Variants in FGD4 observed in about 807,000 individuals in gnomAD.
The protein encoded by FGD4 is FYVE, RhoGEF and PH domain-containing protein 4.
A neutral mutation model predicts 102.0 loss-of-function variants in FGD4; 42 were observed. The observed-to-expected ratio is 0.41, with a 90% CI of 0.32 to 0.53. FGD4 has a LOEUF of 0.53. FGD4 is among the 20% of genes least tolerant of loss of function. The pLI, the probability that FGD4 is intolerant of heterozygous loss-of-function variation, is 0.21. For missense variants in FGD4, 902 were observed against 1,078.2 expected (o/e 0.84, Z 2.29); for synonymous variants, 380 against 375.7 (o/e 1.01, Z -0.13).
At chr12:32,475,400 CT>C in intron 1 of FGD4, among the ~76,000 whole-genome samples, 1 of 152,258 alleles carries the variant, frequency 6.6e-6, no homozygotes, top group East Asian at 1.9e-4. Flanking sequence ...CTTTCTTTAC[CT>C]TGGATGCCTT....
intron 1 of FGD4, among the ~76,000 whole-genome samples, chr12:32,543,019 A>G (rs1942965258): frequency 6.6e-6 from 1 of 152,166 alleles, no homozygotes; most frequent in Non-Finnish European, 1.5e-5. Context: ...CCACAAGACT[A>G]TCCCCACTTT....
At chr12:32,546,759 C>T (rs1943254810) in intron 1 of FGD4, among the ~76,000 whole-genome samples, 1 of 152,126 alleles carries the variant, frequency 6.6e-6, no homozygotes, top group Non-Finnish European at 1.5e-5. Flanking sequence ...GCCTCATCAG[C>T]CTCGATTTGA....
intron 1 of FGD4, among the ~76,000 whole-genome samples, chr12:32,408,205 G>A (rs909503566): frequency 1.1e-4 from 15 of 139,280 alleles, no homozygotes; most frequent in Non-Finnish European, 1.7e-4. Flanking sequence ...TTTCGCTCTC[G>A]TTGCCCAAGC....
intron 1 of FGD4, among the ~76,000 whole-genome samples, chr12:32,561,189 T>C (rs1944556408): frequency 6.8e-6 from 1 of 147,354 alleles, no homozygotes; most frequent in Non-Finnish European, 1.5e-5. Flanking sequence ...TGGGTTCAGG[T>C]GATTCTCCTG....
chr12:32,600,588 CTTTCTTTTTT>C, intron 5 of FGD4: 1 of 250,048 alleles, frequency 4.0e-6, no homozygotes, highest in Non-Finnish European at 5.8e-6. Flanking sequence ...TTCTTTCTTT[CTTTCTTTTTT>C]TTTTTTTTGT....
intron 1 of FGD4, among the ~76,000 whole-genome samples, chr12:32,423,607 AAAAG>A (rs1328721510): frequency 2.6e-5 from 4 of 151,044 alleles, no homozygotes; most frequent in Non-Finnish European, 5.9e-5. Context: ...AAAAAAAAAA[AAAAG>A]AAAGAAAGTG....
chr12:32,417,911 C>CAT (rs1420104976), intron 1 of FGD4, among the ~76,000 whole-genome samples: 7 of 116,976 alleles, frequency 6.0e-5, no homozygotes, highest in Non-Finnish European at 1.2e-4. Flanking sequence ...TGAAAGGTCA[C>CAT]ATATCTCTGT....
Position 32,619,797 on chromosome 12 carries a change from G to A in FGD4, c.1849G>A (p.Glu617Lys). Reference sequence around the variant, plus strand: ...TGGCATTGATGGAATGAAAATTGTAGAGACTCAAAATGAAGAATATCCACA... The same window carrying A: ...TGGCATTGATGGAATGAAAATTGTAAAGACTCAAAATGAAGAATATCCACA... Reference protein sequence around the residue: ...RVGIDGMKIVETQNEEYPHTF... With the variant: ...RVGIDGMKIVKTQNEEYPHTF... The change falls in exon 11 of 17, where the codon GAG becomes AAG. Residue 617 changes from glutamate to lysine, a missense_variant. Transcript: ENST00000534526. 1 of 1,614,150 alleles carries A rather than the reference G, an allele frequency of 6.2e-7. No individual in the cohort carries two copies. Among genetic ancestry groups the A allele is most frequent in the Non-Finnish European group, 8.5e-7 (1 of 1,180,032 alleles).
rs1438936613 is a variant in FGD4, at chr12:32,555,956, T to A, written c.167-8181T>A. ...ATCTCAAACTCCTGGGCTCAAGTAA[T>A]CTTCCCAAGTAGCTAAGACTATAGG... On this transcript the variant is annotated intron_variant, in intron 1 of 16. Coordinates refer to ENST00000534526, the MANE Select transcript of FGD4 (RefSeq NM_001370298.3). Among the ~76,000 whole-genome samples the A allele has an allele frequency of 5.9e-5, 9 of 152,046 alleles. No homozygotes were observed. In the East Asian group the frequency reaches 1.6e-3, roughly 26 times the overall value.
intron 14 of FGD4, among the ~76,000 whole-genome samples, chr12:32,626,446 GAAAA>G (rs34938382): frequency 0.18 from 18,204 of 101,862 alleles, 1,101 homozygotes; most frequent in Middle Eastern, 0.3. Flanking sequence ...CTCCATCTCA[GAAAA>G]AAAAAAAAAA....
chr12:32,637,048 C>CTTTTTT (rs920177828), intron 15 of FGD4, among the ~76,000 whole-genome samples: 3 of 86,402 alleles, frequency 3.5e-5, no homozygotes, highest in Non-Finnish European at 7.2e-5. Flanking sequence ...TTTTTTTCTT[C>CTTTTTT]TTTTTTTTTT....
At chr12:32,404,943 T>C (rs1940860247) in intron 1 of FGD4, among the ~76,000 whole-genome samples, 1 of 152,096 alleles carries the variant, frequency 6.6e-6, no homozygotes, top group Admixed American at 6.6e-5. Flanking sequence ...TTTTTTATTT[T>C]TATTTTTTGA....
chr12:32,400,091 G>C (rs1391393957), intron 1 of FGD4, 132 bp downstream of exon 1: 2 of 1,296,980 alleles, frequency 1.5e-6, no homozygotes, highest in Admixed American at 7.0e-5. Flanking sequence ...GTTCATTGTG[G>C]AAGGCTGCGC....
chr12:32,435,656 T>C (rs2136445216), intron 1 of FGD4, among the ~76,000 whole-genome samples: 1 of 152,290 alleles, frequency 6.6e-6, no homozygotes, highest in South Asian at 2.1e-4. Context: ...GATTACACAA[T>C]GTTGATCATT....
chr12:32,420,095 T>C (rs912866922), intron 1 of FGD4, among the ~76,000 whole-genome samples: 2 of 152,174 alleles, frequency 1.3e-5, no homozygotes, highest in Non-Finnish European at 2.9e-5. Context: ...TTGTTAAAAT[T>C]TGATGTTCCT....
intron 1 of FGD4, among the ~76,000 whole-genome samples, chr12:32,487,589 G>C (rs1052272177): frequency 6.6e-6 from 1 of 152,034 alleles, no homozygotes; most frequent in Admixed American, 6.5e-5. Context: ...ACCACACCTG[G>C]CTAATTTTTG....
At chr12:32,472,693 T>C (rs1943449682) in intron 1 of FGD4, among the ~76,000 whole-genome samples, 1 of 152,234 alleles carries the variant, frequency 6.6e-6, no homozygotes, top group Non-Finnish European at 1.5e-5. Context: ...GGCGCAGGAC[T>C]GGCAGGCAGC....
chr12:32,528,706 AATC>A (rs1246884788), intron 1 of FGD4, among the ~76,000 whole-genome samples: 2 of 152,150 alleles, frequency 1.3e-5, no homozygotes, highest in African/African-American at 4.8e-5. Context: ...TTATACTTTA[AATC>A]ATCTTTAGAT....
rs1951174876 is a variant in FGD4 at position 32,641,972 on chromosome 12, C to T, written c.*1439C>T. 1 of 152,090 alleles carries T rather than the reference C, an allele frequency of 6.6e-6. No homozygotes were observed. Among genetic ancestry groups the T allele is most frequent in the Non-Finnish European group, 1.5e-5 (1 of 67,986 alleles). 9.4% of individuals were successfully genotyped at this position (152,090 alleles called of 1,614,324 possible). ...TGTCACTTTTTAATGTACCAGTCTGCTAGAAATCTACAAGAATGATCCCAC... is the reference window on the plus strand; with the variant it reads ...TGTCACTTTTTAATGTACCAGTCTGTTAGAAATCTACAAGAATGATCCCAC... On this transcript the variant is annotated 3_prime_UTR_variant, in exon 17 of 17. Transcript: ENST00000534526.
Sources: allele counts gnomAD v4.1 joint callset (sites outside exome capture counted in the v4.1 genomes callset), GRCh38; gene constraint gnomAD v4.1.1; transcripts MANE v1.5; gene names NCBI Gene and HGNC (gene_info 2026-07-23, HGNC 2026-07-21).